Variants in MKLN1 observed in about 807,000 individuals in gnomAD.
MKLN1 encodes the protein muskelin 1.
A neutral mutation model predicts 99.0 loss-of-function variants in MKLN1; 18 were observed. That is an observed-to-expected ratio of 0.18 (90% CI 0.13 to 0.27). MKLN1 has a LOEUF of 0.27. Among genes scored for constraint, MKLN1 ranks in the 10% least tolerant of loss-of-function variants. The pLI, the probability that MKLN1 is intolerant of heterozygous loss-of-function variation, is 1.00. For missense variants in MKLN1, 621 were observed against 875.9 expected (o/e 0.71, Z 3.67); for synonymous variants, 288 against 293.2 (o/e 0.98, Z 0.18).
In MKLN1 at chr7:131,327,916, C is replaced by G. The variant is rs763011266; in HGVS notation, c.17C>G (p.Ala6Gly). The G allele has an allele frequency of 3.1e-6, 5 of 1,612,590 alleles. No homozygotes were observed. In the African/African-American group the frequency reaches 4.0e-5, roughly 13 times the overall value. The change falls in exon 1 of 18, where the codon GCT becomes GGT. Residue 6 changes from alanine (A) to glycine (G), a missense_variant. Coordinates refer to ENST00000352689, the MANE Select transcript of MKLN1 (RefSeq NM_013255.5). ...GCTGACAAGATGGCGGCTGGCGGAGCTGTCGCTGCGGCGCCCGAGTGCCGG... is the reference window on the plus strand; with the variant it reads ...GCTGACAAGATGGCGGCTGGCGGAGGTGTCGCTGCGGCGCCCGAGTGCCGG... MAAGG[A>G]VAAAPECRLL...
intron 2 of MKLN1, among the ~76,000 whole-genome samples, chr7:131,386,005 G>T (rs1166985862): frequency 6.8e-6 from 1 of 147,210 alleles, no homozygotes; most frequent in Admixed American, 7.1e-5. Flanking sequence ...TTACATTTAG[G>T]TCTTCAGTCT....
intron 1 of MKLN1, among the ~76,000 whole-genome samples, chr7:131,352,178 A>G (rs1301838092): frequency 6.6e-6 from 1 of 152,206 alleles, no homozygotes; most frequent in Non-Finnish European, 1.5e-5. Context: ...AAATGACTTC[A>G]GTAGTCATTA....
chr7:131,369,322 A>G lies in MKLN1; in HGVS notation c.99-6102A>G, dbSNP rs558130693. Among the ~76,000 whole-genome samples the G allele has an allele frequency of 1.3e-4, 20 of 152,348 alleles. No individual in the cohort carries two copies. The East Asian group carries it at 3.3e-3, about 25-fold the overall frequency. ...AATAAATTTTACATGTTTACTTTCC[A>G]TAAAGGCTAGGATAATGCACATGTT... On this transcript the variant is annotated intron_variant, in intron 1 of 17. Coordinates refer to ENST00000352689, the MANE Select transcript of MKLN1 (RefSeq NM_013255.5).
intron 1 of MKLN1, among the ~76,000 whole-genome samples, chr7:131,130,709 T>C (rs1005739642): frequency 2.6e-5 from 4 of 152,206 alleles, no homozygotes; most frequent in African/African-American, 9.7e-5. Context: ...AAATGTTTTA[T>C]TATTACATTT....
At chr7:131,202,911 C>T (rs1796752434) in exon 3 of MKLN1, 2 of 152,236 alleles carry the variant, frequency 1.3e-5, no homozygotes, top group Admixed American at 1.3e-4. Context: ...AAAGTATCTC[C>T]TGGAGTCCTC....
rs560309246 is a variant in MKLN1 at position 131,288,182 on chromosome 7, G to A, written c.-179+85208G>A. Among the ~76,000 whole-genome samples the A allele has an allele frequency of 2.0e-5, 3 of 152,202 alleles. No individual in the cohort carries two copies. The East Asian group carries it at 5.8e-4, about 30-fold the overall frequency. ...GCCAGTGCCCTCTGGCTTACTGTTGGGTTTGTCCAATGGCAGGCATCAGCA... is the reference window on the plus strand; with the variant it reads ...GCCAGTGCCCTCTGGCTTACTGTTGAGTTTGTCCAATGGCAGGCATCAGCA... On this transcript the variant is annotated intron_variant, in intron 3 of 7. Coordinates refer to the MKLN1 transcript ENST00000416992.
chr7:131,490,919 A>G lies in MKLN1; in HGVS notation c.*3191A>G, dbSNP rs995880648. On this transcript the variant is annotated 3_prime_UTR_variant, in exon 18 of 18. Coordinates refer to ENST00000352689, the MANE Select transcript of MKLN1 (RefSeq NM_013255.5). ...AAACAAAAACTAGTTTGAGGCACCC[A>G]AGCATTTAGTGAGAGATTGAGAATG... is the stretch of plus-strand genomic sequence containing the variant. 6.6e-6 allele frequency: 1 copy of G among 152,574 alleles called. No homozygotes were observed. Among genetic ancestry groups the G allele is most frequent in the Non-Finnish European group, 1.5e-5 (1 of 68,020 alleles). 9.5% of individuals were successfully genotyped at this position (152,574 alleles called of 1,614,324 possible).
intron 8 of MKLN1, among the ~76,000 whole-genome samples, chr7:131,418,548 A>G (rs942714786): frequency 6.6e-6 from 1 of 152,172 alleles, no homozygotes. Context: ...TAAGTTTACA[A>G]ATTTGTCTTG....
At chr7:131,425,326 G>C (rs1795327319) in intron 8 of MKLN1, among the ~76,000 whole-genome samples, 1 of 151,568 alleles carries the variant, frequency 6.6e-6, no homozygotes, top group Non-Finnish European at 1.5e-5. Context: ...CCTTCCTGCT[G>C]GTGCATAGGT....
chr7:131,306,945 C>T (rs931671173), intron 3 of MKLN1, among the ~76,000 whole-genome samples: 6 of 152,190 alleles, frequency 3.9e-5, no homozygotes, highest in Non-Finnish European at 8.8e-5. Context: ...ATCACAGGCC[C>T]AGAGGCCTAG....
chr7:131,143,377 A>G (rs999965655), intron 2 of MKLN1, among the ~76,000 whole-genome samples: 7 of 151,964 alleles, frequency 4.6e-5, no homozygotes, highest in Admixed American at 3.9e-4. Context: ...GAGGCAGGAG[A>G]ATCGCTTGAA....
chr7:131,448,550 A>G (rs1796085522), intron 12 of MKLN1, among the ~76,000 whole-genome samples: 1 of 152,206 alleles, frequency 6.6e-6, no homozygotes, highest in African/African-American at 2.4e-5. Context: ...ATTTTGATAT[A>G]TTTCTGTCTA....
At chr7:131,274,824 G>C (rs983908927) in intron 3 of MKLN1, among the ~76,000 whole-genome samples, 30 of 152,078 alleles carry the variant, frequency 2.0e-4, no homozygotes, top group African/African-American at 6.8e-4. Flanking sequence ...CCTGCTATGT[G>C]ATATGGGGCA....
intron 3 of MKLN1, among the ~76,000 whole-genome samples, chr7:131,254,852 GGA>G (rs1160633138): frequency 1.3e-5 from 2 of 151,824 alleles, no homozygotes; most frequent in East Asian, 3.9e-4. Flanking sequence ...CAGAAGAAGA[GGA>G]GAGAGAGAGG....
At chr7:131,131,651 G>A (rs1463900609) in intron 1 of MKLN1, among the ~76,000 whole-genome samples, 3 of 152,116 alleles carry the variant, frequency 2.0e-5, no homozygotes. Flanking sequence ...AGAAAGTCTG[G>A]TTTCAGAAGC....
At chr7:131,203,799 T>C in intron 3 of MKLN1, among the ~76,000 whole-genome samples, 1 of 152,220 alleles carries the variant, frequency 6.6e-6, no homozygotes, top group Admixed American at 6.5e-5. Flanking sequence ...AAGGGAAGAC[T>C]TGCTTTAGAC....
At chr7:131,237,615 G>A (rs925061136) in intron 3 of MKLN1, among the ~76,000 whole-genome samples, 2 of 152,140 alleles carry the variant, frequency 1.3e-5, no homozygotes, top group African/African-American at 4.8e-5. Context: ...TCCTGACTAA[G>A]TGGGGCAATT....
intron 2 of MKLN1, among the ~76,000 whole-genome samples, chr7:131,146,941 G>A (rs907498387): frequency 6.6e-6 from 1 of 152,168 alleles, no homozygotes; most frequent in Non-Finnish European, 1.5e-5. Context: ...AAATGCTATA[G>A]CAGTTGCGTG....
At position 131,145,112 on chromosome 7, in the gene MKLN1, G is replaced by A. The variant is rs1481828460; in HGVS notation, c.-297+2171G>A. ...TATCGATGACTAAGACAATAACATT[G>A]ATGGCCTGCCGAACAAATTTACAGA... On this transcript the variant is annotated intron_variant, in intron 2 of 7. Coordinates refer to the MKLN1 transcript ENST00000416992. Among the ~76,000 whole-genome samples the A allele has an allele frequency of 1.3e-5, 2 of 152,092 alleles. 1 individual carries two copies. Among genetic ancestry groups the A allele is most frequent in the Non-Finnish European group, 2.9e-5 (2 of 68,016 alleles).
Sources: allele counts gnomAD v4.1 joint callset (sites outside exome capture counted in the v4.1 genomes callset), GRCh38; gene constraint gnomAD v4.1.1; transcripts MANE v1.5; gene names NCBI Gene and HGNC (gene_info 2026-07-23, HGNC 2026-07-21).